SNTG1: variants seen among roughly 807,000 people sequenced by gnomAD.
SNTG1 encodes the protein syntrophin gamma 1.
SNTG1 carries 39 observed loss-of-function variants against 74.7 expected under a neutral mutation model. The ratio of observed to expected loss-of-function variants is 0.52; its 90% CI spans 0.40 to 0.68. The LOEUF is 0.68. SNTG1 is among the 30% of genes least tolerant of loss of function. SNTG1 has a pLI of 0.00. For synonymous variants in SNTG1, 254 were observed against 217.1 expected, an observed-to-expected ratio of 1.17 and a Z score of -1.49; for missense variants, 685 against 609.5, an observed-to-expected ratio of 1.12 and a Z score of -1.30.
At chr8:50,637,090 C>G (rs1224960457) in intron 13 of SNTG1, among the ~76,000 whole-genome samples, 4 of 152,100 alleles carry the variant, frequency 2.6e-5, no homozygotes, top group African/African-American at 9.7e-5. Flanking sequence ...AGCTCACATC[C>G]CATTGGTGAA....
chr8:50,037,206 G>A (rs188042152), intron 1 of SNTG1, among the ~76,000 whole-genome samples: 61 of 152,306 alleles, frequency 4.0e-4, no homozygotes, highest in African/African-American at 1.3e-3. Flanking sequence ...TTTTGTTAAA[G>A]TGCAGATCAT....
At chr8:50,260,873 A>C (rs2087157209) in intron 2 of SNTG1, among the ~76,000 whole-genome samples, 1 of 152,190 alleles carries the variant, frequency 6.6e-6, no homozygotes. Context: ...TGGAACATGA[A>C]AGTTTTTCTG....
chr8:50,345,832 A>G (rs947039748), intron 2 of SNTG1, among the ~76,000 whole-genome samples: 1 of 152,214 alleles, frequency 6.6e-6, no homozygotes, highest in Non-Finnish European at 1.5e-5. Context: ...CTTTTTGGTT[A>G]ATATTCTCAA....
intron 18 of SNTG1, among the ~76,000 whole-genome samples, chr8:50,778,318 G>A (rs1031758097): frequency 5.3e-5 from 8 of 152,112 alleles, no homozygotes; most frequent in South Asian, 2.1e-4. Context: ...CAGTCCCACT[G>A]ACAGTGTAAA....
intron 18 of SNTG1, among the ~76,000 whole-genome samples, chr8:50,767,759 T>C (rs2095617401): frequency 6.6e-6 from 1 of 151,878 alleles, no homozygotes; most frequent in South Asian, 2.1e-4. Flanking sequence ...TCACAATACT[T>C]TTCTTTACTG....
At chr8:50,075,414 C>T (rs545345574) in intron 1 of SNTG1, among the ~76,000 whole-genome samples, 7 of 152,334 alleles carry the variant, frequency 4.6e-5, no homozygotes, top group Admixed American at 2.0e-4. Context: ...TTCATGTATG[C>T]ACCAATCAGC....
intron 2 of SNTG1, among the ~76,000 whole-genome samples, chr8:50,197,338 C>CTGTT (rs1192076943): frequency 6.6e-6 from 1 of 152,142 alleles, no homozygotes; most frequent in Admixed American, 6.5e-5. Context: ...TTTCTGTTGT[C>CTGTT]TGTTTACATA....
At chr8:50,715,999 A>AT (rs1372893207) in intron 17 of SNTG1, among the ~76,000 whole-genome samples, 4 of 152,098 alleles carry the variant, frequency 2.6e-5, no homozygotes, top group Non-Finnish European at 1.5e-5. Context: ...GGCCCTTTTA[A>AT]TTTTTAAAAA....
intron 18 of SNTG1, among the ~76,000 whole-genome samples, chr8:50,763,686 G>A (rs1443359465): frequency 6.7e-6 from 1 of 148,178 alleles, no homozygotes; most frequent in Non-Finnish European, 1.5e-5. Context: ...GTGTGTGTGT[G>A]TGTGTGGTTT....
intron 1 of SNTG1, among the ~76,000 whole-genome samples, chr8:49,988,927 A>C (rs901816669): frequency 3.3e-5 from 5 of 151,978 alleles, no homozygotes; most frequent in African/African-American, 1.2e-4. Flanking sequence ...ACAGTAATTT[A>C]CTGTATATTT....
chr8:50,481,860 T>C (rs758020990), intron 8 of SNTG1, among the ~76,000 whole-genome samples: 4 of 152,200 alleles, frequency 2.6e-5, no homozygotes, highest in Non-Finnish European at 5.9e-5. Flanking sequence ...CCTTAATGTG[T>C]AATGTTTTTT....
At chr8:50,455,775 C>A (rs2093499342) in intron 8 of SNTG1, among the ~76,000 whole-genome samples, 1 of 152,140 alleles carries the variant, frequency 6.6e-6, no homozygotes, top group Non-Finnish European at 1.5e-5. Context: ...ACATATTTAG[C>A]ATGTGAGTTG....
intron 8 of SNTG1, among the ~76,000 whole-genome samples, chr8:50,465,402 C>A (rs1351026430): frequency 6.6e-6 from 1 of 152,154 alleles, no homozygotes. Flanking sequence ...CAATAAGATT[C>A]TCTTGTCACA....
chr8:49,955,324 G>C (rs1037909263), intron 1 of SNTG1, among the ~76,000 whole-genome samples: 27 of 152,176 alleles, frequency 1.8e-4, no homozygotes, highest in African/African-American at 5.8e-4. Flanking sequence ...AAGTGATGTT[G>C]TCTTCCAATA....
chr8:50,067,299 TTTAAAAATTGAACTA>T (rs1820978131), intron 1 of SNTG1, among the ~76,000 whole-genome samples: 1 of 152,228 alleles, frequency 6.6e-6, no homozygotes, highest in Non-Finnish European at 1.5e-5. Context: ...ATACCATTAC[TTTAAAAATTGAACTA>T]TTAATTTACA....
At chr8:50,322,580 G>A (rs1258242936) in intron 2 of SNTG1, among the ~76,000 whole-genome samples, 1 of 151,938 alleles carries the variant, frequency 6.6e-6, no homozygotes, top group Non-Finnish European at 1.5e-5. Context: ...ATTTCTCTAG[G>A]TTTGGAAAGT....
intron 9 of SNTG1, among the ~76,000 whole-genome samples, chr8:50,510,640 T>C (rs945209729): frequency 6.6e-6 from 1 of 152,218 alleles, no homozygotes; most frequent in Non-Finnish European, 1.5e-5. Context: ...TGGTTTAGTC[T>C]TGGGAGGGTG....
chr8:49,940,764 A>G (rs907670924), intron 1 of SNTG1, among the ~76,000 whole-genome samples: 3 of 152,172 alleles, frequency 2.0e-5, no homozygotes, highest in Non-Finnish European at 4.4e-5. Flanking sequence ...CAAATATTAA[A>G]CACAGAAATA....
At position 50,357,179 on chromosome 8, in the gene SNTG1, T is replaced by C. The variant is rs115366268; in HGVS notation, c.-27-37033T>C. ...ATACTCCTTGGTGTGGAGTTGCTCC[T>C]TCCCCTCAGTCACCAGGGCTCTGCA... On this transcript the variant is annotated intron_variant, in intron 2 of 18. Coordinates refer to ENST00000642720, the MANE Select transcript of SNTG1 (RefSeq NM_018967.5). 1.1e-3 allele frequency among the ~76,000 whole-genome samples: 165 copies of C among 152,256 alleles called. 2 individuals are homozygous for C. The highest frequency in any genetic ancestry group is 3.8e-3 in the African/African-American group (159 of 41,556).
Sources: gnomAD v4.1 joint callset for allele counts (sites outside exome capture counted in the v4.1 genomes callset) on GRCh38, gnomAD v4.1.1 for gene constraint, MANE v1.5 for transcripts, NCBI Gene and HGNC (gene_info 2026-07-23, HGNC 2026-07-21) for gene names.